The following FAM76A variants were observed in gnomAD, a reference collection of about 807,000 sequenced individuals.
FAM76A encodes protein FAM76A.
In FAM76A, 32 loss-of-function variants were observed where a neutral mutation model predicts 46.2. The ratio of observed to expected loss-of-function variants is 0.69; its 90% CI spans 0.52 to 0.93. The LOEUF is 0.93. FAM76A is among the 40% of genes least tolerant of loss of function. FAM76A has a pLI of 0.00. For synonymous variants in FAM76A, 137 were observed against 127.0 expected (o/e 1.08, Z -0.53); for missense variants, 274 against 361.5 (o/e 0.76, Z 1.96).
intron 8 of FAM76A, 152 bp downstream of exon 8, chr1:27,759,779 G>GTTTTTTTTTGTTTTTTTTTTTTTTT (rs1553179888): frequency 3.0e-6 from 1 of 332,448 alleles, no homozygotes; most frequent in African/African-American, 3.4e-5. Context: ...TTTTTTTTTT[G>GTTTTTTTTTGTTTTTTTTTTTTTTT]TTTTTTTTTT....
intron 2 of FAM76A, among the ~76,000 whole-genome samples, chr1:27,728,951 GA>G (rs1454004765): frequency 6.7e-6 from 1 of 150,052 alleles, no homozygotes; most frequent in African/African-American, 2.5e-5. Context: ...GTGACGGGGG[GA>G]AACTCTGTCT....
At chr1:27,736,211 A>T (rs1253139408) in intron 4 of FAM76A, among the ~76,000 whole-genome samples, 4 of 152,138 alleles carry the variant, frequency 2.6e-5, no homozygotes, top group Admixed American at 2.6e-4. Flanking sequence ...AATCCCAGCT[A>T]CTTGGGAGGC....
Position 27,726,026 on chromosome 1 carries a change from TC to T in FAM76A, c.-54del. 1 of 1,241,514 alleles carries T rather than the reference TC, an allele frequency of 8.1e-7. No individual in the cohort carries two copies. Among genetic ancestry groups the T allele is most frequent in the Non-Finnish European group, 1.0e-6 (1 of 986,136 alleles). The allele number at this position is 1,241,514 out of a possible 1,614,324, so 76.9% of individuals were successfully genotyped here. A position where few individuals can be genotyped will look rare whatever the true frequency, so the allele number is the denominator to read the frequency against. On this transcript the variant is annotated 5_prime_UTR_variant, in exon 1 of 9. Coordinates refer to ENST00000373954, the MANE Select transcript of FAM76A (RefSeq NM_152660.3). The stretch of plus-strand genomic sequence containing the variant: ...CGCCGCCGGGTTGTGCCTCAGACTG[TC>T]AGATAAATCGGCGGGCCGGGCCGGC...
Position 27,759,578 on chromosome 1 carries a change from A to C in FAM76A, c.788A>C (p.Lys263Thr). 1 of 1,613,964 alleles carries C rather than the reference A, an allele frequency of 6.2e-7. No individual in the cohort carries two copies. The highest frequency in any genetic ancestry group is 8.5e-7 in the Non-Finnish European group (1 of 1,179,982). ...TACCAGGAATCGCAGATGAGAGCCA[A>C]AATGAACCAGATGGAGAAAACCCAC... The part of the protein sequence containing the change: ...FQYQESQMRA[K>T]MNQMEKTHKE... The change falls in exon 8 of 9, where the codon AAA becomes ACA. Residue 263 changes from lysine to threonine, a missense_variant. Transcript: ENST00000373954.
chr1:27,734,284 A>C, intron 4 of FAM76A, 101 bp downstream of exon 4: 52 of 1,240,912 alleles, frequency 4.2e-5, no homozygotes, highest in Non-Finnish European at 5.1e-5. Context: ...GTGGTGGCTC[A>C]TGCCTGTAAT....
At chr1:27,747,408 AT>A (rs1361434916) in intron 5 of FAM76A, among the ~76,000 whole-genome samples, 2 of 152,250 alleles carry the variant, frequency 1.3e-5, no homozygotes, top group African/African-American at 4.8e-5. Context: ...TATCAGTGGT[AT>A]CAAATGCTGA....
At chr1:27,727,878 G>A (rs1362265118) in intron 2 of FAM76A, among the ~76,000 whole-genome samples, 2 of 137,258 alleles carry the variant, frequency 1.5e-5, no homozygotes, top group African/African-American at 5.5e-5. Flanking sequence ...TATGATCTCA[G>A]CTCACTGCAA....
At chr1:27,751,336 A>T (rs1413651236) in intron 6 of FAM76A, among the ~76,000 whole-genome samples, 1 of 152,050 alleles carries the variant, frequency 6.6e-6, no homozygotes, top group Non-Finnish European at 1.5e-5. Context: ...TCTTTTTTTT[A>T]AATGTTCATA....
In FAM76A at chr1:27,755,310, A is replaced by G; in HGVS notation, c.715A>G (p.Ile239Val). ...KKMLHQKDQM[I>V]LEKEKKITEL... The stretch of plus-strand genomic sequence containing the variant: ...GATGTTGCATCAAAAGGATCAAATG[A>G]TTTTAGAGAAAGAGAAGAAGGTATG... Residue 239 changes from isoleucine (I) to valine (V), a missense_variant, in exon 7 of 9, where the codon ATT becomes GTT. Ile to Val is a conservative substitution (Grantham distance 29, BLOSUM62 3). Transcript: ENST00000373954. The G allele has an allele frequency of 6.2e-7, 1 of 1,614,148 alleles. No homozygotes were observed. The highest frequency in any genetic ancestry group is 8.5e-7 in the Non-Finnish European group (1 of 1,180,018).
rs141070086 is a variant in FAM76A at position 27,753,780 on chromosome 1, G to A, written c.600-1415G>A. ...AGAGAAATGTTGGCTATTAGATGTG[G>A]TTTAGGATATAAGAACAGTGAGTCG... On this transcript the variant is annotated intron_variant, in intron 6 of 8. Coordinates refer to ENST00000373954, the MANE Select transcript of FAM76A (RefSeq NM_152660.3). Among the ~76,000 whole-genome samples the A allele has an allele frequency of 3.2e-4, 48 of 152,308 alleles. No individual in the cohort carries two copies. The East Asian group carries it at 8.7e-3, about 28-fold the overall frequency.
At chr1:27,750,909 A>G (rs527770080) in intron 6 of FAM76A, among the ~76,000 whole-genome samples, 12 of 152,350 alleles carry the variant, frequency 7.9e-5, no homozygotes, top group Non-Finnish European at 1.5e-4. Flanking sequence ...TCGTTCACAC[A>G]TGTAATCCCA....
intron 2 of FAM76A, among the ~76,000 whole-genome samples, chr1:27,729,586 A>G (rs954255720): frequency 3.9e-5 from 6 of 152,088 alleles, no homozygotes; most frequent in Non-Finnish European, 5.9e-5. Context: ...CTTAAATTCT[A>G]TCATATACAC....
At position 27,755,233 on chromosome 1, in the gene FAM76A, A is replaced by C; in HGVS notation, c.638A>C (p.Asp213Ala). 1 of 1,614,190 alleles carries C rather than the reference A, an allele frequency of 6.2e-7. No homozygotes were observed. Among genetic ancestry groups the C allele is most frequent in the Non-Finnish European group, 8.5e-7 (1 of 1,180,022 alleles). ...PDLALDSPGT[D>A]HFVIIAQLKE... Reference sequence around the variant, plus strand: ...CTGGCTCTGGACTCACCAGGCACTGACCACTTTGTCATCATTGCCCAACTG... The same window carrying C: ...CTGGCTCTGGACTCACCAGGCACTGCCCACTTTGTCATCATTGCCCAACTG... The change falls in exon 7 of 9, where the codon GAC (aspartate) becomes GCC (alanine). Residue 213 changes from aspartate to alanine, a missense_variant. Asp to Ala is a moderately radical substitution (Grantham distance 126). Coordinates refer to ENST00000373954, the MANE Select transcript of FAM76A (RefSeq NM_152660.3).
At position 27,762,774 on chromosome 1, in the gene FAM76A, A is replaced by T. The variant is rs866148767; in HGVS notation, c.*2193A>T. 1 of 151,920 alleles carries T rather than the reference A, an allele frequency of 6.6e-6. No individual in the cohort carries two copies. Among genetic ancestry groups the T allele is most frequent in the African/African-American group, 2.4e-5 (1 of 41,370 alleles). 9.4% of individuals were successfully genotyped at this position (151,920 alleles called of 1,614,324 possible). ...AATGACAGTCATGGTGTTTTTTTTTAATTTTAAGGACTGAAATTCTGTTAC... is the reference window on the plus strand; with the variant it reads ...AATGACAGTCATGGTGTTTTTTTTTTATTTTAAGGACTGAAATTCTGTTAC... On this transcript the variant is annotated 3_prime_UTR_variant, in exon 9 of 9. Transcript: ENST00000373954.
Position 27,734,027 on chromosome 1 carries a change from T to A in FAM76A, c.202-4T>A. The stretch of plus-strand genomic sequence containing the variant: ...CTTACTTGACTCTTTTTTCCCCTTT[T>A]AAGCCCAAACCTTGTCAGTATTGCA... On this transcript the variant is annotated splice_polypyrimidine_tract_variant and splice_region_variant and intron_variant, in intron 3 of 8. Transcript: ENST00000373954. 6.2e-7 allele frequency: 1 copy of A among 1,601,362 alleles called. No individual in the cohort carries two copies. Among genetic ancestry groups the A allele is most frequent in the Non-Finnish European group, 8.5e-7 (1 of 1,177,334 alleles).
At chr1:27,744,222 G>A (rs2088203443) in intron 4 of FAM76A, among the ~76,000 whole-genome samples, 1 of 152,098 alleles carries the variant, frequency 6.6e-6, no homozygotes. Context: ...TCCGCCTCCT[G>A]GGTTCAAGCG....
chr1:27,728,340 A>G (rs1329257229), intron 2 of FAM76A, among the ~76,000 whole-genome samples: 2 of 151,868 alleles, frequency 1.3e-5, no homozygotes, highest in African/African-American at 2.4e-5. Context: ...TTGCCATTAC[A>G]CTTTCCTTGG....
intron 5 of FAM76A, among the ~76,000 whole-genome samples, 153 bp from the exon 6 acceptor site, chr1:27,748,915 A>G (rs1458252867): frequency 6.6e-6 from 1 of 152,160 alleles, no homozygotes; most frequent in Non-Finnish European, 1.5e-5. Flanking sequence ...CTACAAAATC[A>G]TCACCTTGGT....
intron 8 of FAM76A, 188 bp downstream of exon 8, chr1:27,759,815 T>C (rs566281566): frequency 7.5e-5 from 41 of 549,602 alleles, no homozygotes; most frequent in Admixed American, 2.8e-4. Context: ...TCGCCTAGGC[T>C]GGAGGGCAGT....
Sources: gnomAD v4.1 joint callset for allele counts (sites outside exome capture counted in the v4.1 genomes callset) on GRCh38, gnomAD v4.1.1 for gene constraint, MANE v1.5 for transcripts, NCBI Gene and HGNC (gene_info 2026-07-23, HGNC 2026-07-21) for gene names.